HAUS6: variants seen among roughly 807,000 people sequenced by gnomAD.
The protein encoded by HAUS6 is HAUS augmin-like complex subunit 6.
A neutral mutation model predicts 106.8 loss-of-function variants in HAUS6; 80 were observed. The ratio of observed to expected loss-of-function variants is 0.75; its 90% CI spans 0.63 to 0.90. The LOEUF (loss-of-function observed/expected upper bound fraction) is 0.90. Among genes scored for constraint, HAUS6 ranks in the 40% least tolerant of loss-of-function variants. HAUS6 has a pLI of 0.00. For synonymous variants in HAUS6, 356 were observed against 379.1 expected (o/e 0.94, Z 0.71); for missense variants, 1,155 against 1,118.1 (o/e 1.03, Z -0.47).
intron 12 of HAUS6, among the ~76,000 whole-genome samples, chr9:19,064,480 T>C (rs1836716282): frequency 1.3e-5 from 2 of 152,338 alleles, no homozygotes; most frequent in South Asian, 4.1e-4. Flanking sequence ...TTCATGCTAA[T>C]TATAAAATGT....
chr9:19,086,707 A>C (rs1017324289), intron 7 of HAUS6, 27 bp downstream of exon 7: 1 of 1,022,254 alleles, frequency 9.8e-7, no homozygotes, highest in African/African-American at 1.6e-5. Flanking sequence ...TAAAAGATTA[A>C]ATTTCTCCTT....
chr9:19,056,429 T>C, intron 16 of HAUS6, 25 bp from the exon 17 acceptor site: 5 of 1,259,464 alleles, frequency 4.0e-6, no homozygotes, highest in Non-Finnish European at 5.8e-6. Context: ...TAAAAAAGTA[T>C]AAGCAAACAT....
chr9:19,092,274 T>C lies in HAUS6; in HGVS notation c.436+897A>G, dbSNP rs139812221. 3.4e-5 allele frequency among the ~76,000 whole-genome samples: 5 copies of C among 148,016 alleles called. No individual in the cohort carries two copies. The South Asian group carries it at 6.5e-4, about 19-fold the overall frequency. On this transcript the variant is annotated intron_variant, in intron 4 of 16. Transcript: ENST00000380502. Reference sequence around the variant, plus strand: ...GGGTTCAAGACCAGCCTGGGAAATATGGTGTAACCCTGGTATTAAAAAAAA... The same window carrying C: ...GGGTTCAAGACCAGCCTGGGAAATACGGTGTAACCCTGGTATTAAAAAAAA...
At chr9:19,070,343 A>G (rs781537537) in intron 11 of HAUS6, 43 bp from the exon 12 acceptor site, 3 of 1,018,840 alleles carry the variant, frequency 2.9e-6, no homozygotes, top group Non-Finnish European at 4.6e-6. Flanking sequence ...TTATGTTTGT[A>G]CATTCTAACA....
rs1817788266 is a variant in HAUS6, at chr9:19,093,049, T to C, written c.436+122A>G. ...AGTAGAATATTAACCATTTCCTTTT[T>C]GGGGTACATTAATGTTTTAACTTAC... is the stretch of plus-strand genomic sequence containing the variant. On this transcript the variant is annotated intron_variant, in intron 4 of 16. Coordinates refer to ENST00000380502, the MANE Select transcript of HAUS6 (RefSeq NM_017645.5). 1.0e-5 allele frequency: 7 copies of C among 689,882 alleles called. No individual in the cohort carries two copies. The South Asian group carries it at 1.3e-4, about 13-fold the overall frequency. 42.7% of individuals were successfully genotyped at this position (689,882 alleles called of 1,614,324 possible).
chr9:19,060,890 G>A (rs1836599543), intron 14 of HAUS6, among the ~76,000 whole-genome samples: 1 of 152,220 alleles, frequency 6.6e-6, no homozygotes, highest in South Asian at 2.1e-4. Flanking sequence ...GGCCGGGCAT[G>A]GTGGCTCACG....
rs1461956414 is a variant in HAUS6 at position 19,060,158 on chromosome 9, T to C, written c.1695A>G (p.Glu565=). 6.3e-7 allele frequency: 1 copy of C among 1,586,476 alleles called. No homozygotes were observed. Among genetic ancestry groups the C allele is most frequent in the African/African-American group, 1.4e-5 (1 of 74,022 alleles). Reference sequence around the variant, plus strand: ...GGTTAGAACCCAGAGAGTCAATTAGTTCCTCTAATTTTATTTCTTTTCCTT... The same window carrying C: ...GGTTAGAACCCAGAGAGTCAATTAGCTCCTCTAATTTTATTTCTTTTCCTT... The part of the protein sequence containing the change: ...LSEGKEIKLE[E]LIDSLGSNPF... The change falls in exon 15 of 17, where the codon GAA becomes GAG. Residue 565 remains glutamate, a synonymous_variant. Coordinates refer to ENST00000380502, the MANE Select transcript of HAUS6 (RefSeq NM_017645.5).
At chr9:19,099,416 T>C (rs1461920399) in intron 1 of HAUS6, among the ~76,000 whole-genome samples, 2 of 152,140 alleles carry the variant, frequency 1.3e-5, no homozygotes, top group Non-Finnish European at 2.9e-5. Flanking sequence ...TCCGCCCATC[T>C]CGGCCTCCCA....
intron 8 of HAUS6, 93 bp downstream of exon 8, chr9:19,082,780 A>C (rs981267696): frequency 4.2e-6 from 3 of 713,328 alleles, no homozygotes; most frequent in Non-Finnish European, 6.2e-6. Flanking sequence ...AAAAAACAAA[A>C]AACAAATTCT....
At chr9:19,086,854 T>C (rs1046537596) in intron 6 of HAUS6, 72 bp from the exon 7 acceptor site, 3 of 710,748 alleles carry the variant, frequency 4.2e-6, no homozygotes, top group East Asian at 2.7e-5. Context: ...AAGAGCTAAT[T>C]AGTCTGCAAA....
chr9:19,063,862 C>T (rs1836694490), intron 12 of HAUS6: 2 of 576,434 alleles, frequency 3.5e-6, no homozygotes, highest in Non-Finnish European at 6.6e-6. Flanking sequence ...TTAATGAATA[C>T]TCCACAACTT....
At chr9:19,092,616 C>CG (rs202007285) in intron 4 of HAUS6, among the ~76,000 whole-genome samples, 3,041 of 82,370 alleles carry the variant, frequency 0.037, 173 homozygotes, top group African/African-American at 0.14. Flanking sequence ...AACTCCGTCT[C>CG]GGAAAAAAAA....
In HAUS6 at chr9:19,063,669, G is replaced by C. The variant is rs146620362; in HGVS notation, c.1377-89C>G. The C allele has an allele frequency of 5.6e-6, 5 of 885,722 alleles. 1 individual carries two copies. The highest frequency in any genetic ancestry group is 9.7e-6 in the Non-Finnish European group (5 of 515,858). 54.9% of individuals were successfully genotyped at this position (885,722 alleles called of 1,614,324 possible). On this transcript the variant is annotated intron_variant, in intron 12 of 16. Coordinates refer to ENST00000380502, the MANE Select transcript of HAUS6 (RefSeq NM_017645.5). ...GTCTATTCTAAAATCTGTCTGCCCC[G>C]TATCTGTCCGTTACGATTTCACTCA...
chr9:19,102,176 T>C (rs1818002439), intron 1 of HAUS6, among the ~76,000 whole-genome samples: 1 of 151,616 alleles, frequency 6.6e-6, no homozygotes. Context: ...GTTTTGTACA[T>C]ATGGTTCCCA....
chr9:19,097,899 T>C (rs549015889), intron 1 of HAUS6, among the ~76,000 whole-genome samples: 23 of 152,284 alleles, frequency 1.5e-4, no homozygotes, highest in Non-Finnish European at 3.2e-4. Flanking sequence ...TCAAATCAAG[T>C]GAATTTCTGA....
At position 19,083,514 on chromosome 9, in the gene HAUS6, CAA is replaced by C. The variant is rs1381848127; in HGVS notation, c.700-473_700-472del. ...GGGAGAAATAATTTTAAAAATTTTT[CAA>C]GAGAAGCCGGGCGCAGTGGCTCACG... On this transcript the variant is annotated intron_variant, in intron 7 of 16. Coordinates refer to ENST00000380502, the MANE Select transcript of HAUS6 (RefSeq NM_017645.5). Among the ~76,000 whole-genome samples the C allele has an allele frequency of 3.3e-5, 5 of 151,972 alleles. No individual in the cohort carries two copies. In the South Asian group the frequency reaches 6.2e-4, roughly 19 times the overall value.
chr9:19,063,211 G>A lies in HAUS6; in HGVS notation c.1444-18C>T, dbSNP rs1211865631. ...TTTGTGTCCTGAAGAAGACAGATAT[G>A]TAATGTTAAACCCTTAATAATCATG... On this transcript the variant is annotated intron_variant, in intron 13 of 16. Coordinates refer to ENST00000380502, the MANE Select transcript of HAUS6 (RefSeq NM_017645.5). The A allele has an allele frequency of 9.8e-6, 15 of 1,530,752 alleles. No individual in the cohort carries two copies. Among genetic ancestry groups the A allele is most frequent in the African/African-American group, 1.4e-5 (1 of 72,728 alleles). The allele number at this position is 1,530,752 out of a possible 1,614,324, so 94.8% of individuals were successfully genotyped here.
intron 5 of HAUS6, among the ~76,000 whole-genome samples, chr9:19,087,595 C>T (rs906663780): frequency 6.6e-6 from 1 of 152,132 alleles, no homozygotes; most frequent in Non-Finnish European, 1.5e-5. Context: ...TGGCTCACAC[C>T]TGTAATGCCT....
intron 10 of HAUS6, 54 bp downstream of exon 10, chr9:19,078,118 CAAAA>C (rs375071190): frequency 1.1e-4 from 114 of 1,068,446 alleles, no homozygotes; most frequent in Middle Eastern, 3.2e-4. Flanking sequence ...GACACTGTCT[CAAAA>C]AAAAAAAAAA....
Sources: gnomAD v4.1 joint callset for allele counts (sites outside exome capture counted in the v4.1 genomes callset) on GRCh38, gnomAD v4.1.1 for gene constraint, MANE v1.5 for transcripts, NCBI Gene and HGNC (gene_info 2026-07-23, HGNC 2026-07-21) for gene names.